The following FHIT variants were observed in gnomAD, a reference collection of about 807,000 sequenced individuals.
FHIT encodes fragile histidine triad diadenosine triphosphatase, also known as bis(5'-adenosyl)-triphosphatase.
In FHIT, 19 loss-of-function variants were observed where a neutral mutation model predicts 17.9. The ratio of observed to expected loss-of-function variants is 1.06; its 90% CI spans 0.74 to 1.56. FHIT has a LOEUF of 1.56. Among genes scored for constraint, FHIT ranks in the 40% most tolerant of loss-of-function variants. The pLI is 0.00. For synonymous variants in FHIT, 81 were observed against 69.7 expected (o/e 1.16, Z -0.81); for missense variants, 248 against 189.2 (o/e 1.31, Z -1.82).
rs78500645 is a variant in FHIT at position 60,392,738 on chromosome 3, C to A, written c.103+144122G>T. On this transcript the variant is annotated intron_variant, in intron 5 of 9. Transcript: ENST00000492590. ...GGAACCTGGTTTTACCCGCATGATC[C>A]TGAAGATAAAGCATAATTATAGCAG... Among the ~76,000 whole-genome samples, 262 of 152,262 alleles carry A rather than the reference C, an allele frequency of 1.7e-3. 1 individual carries two copies. Among genetic ancestry groups the A allele is most frequent in the African/African-American group, 6.1e-3 (253 of 41,554 alleles).
At chr3:61,033,456 T>G in intron 3 of FHIT, among the ~76,000 whole-genome samples, 1 of 152,192 alleles carries the variant, frequency 6.6e-6, no homozygotes, top group East Asian at 1.9e-4. Context: ...TTTTTTATAT[T>G]GATTACAGGG....
At chr3:60,651,396 T>A (rs932581758) in intron 4 of FHIT, among the ~76,000 whole-genome samples, 1 of 152,164 alleles carries the variant, frequency 6.6e-6, no homozygotes, top group Admixed American at 6.5e-5. Flanking sequence ...AAATTAAAAT[T>A]AAAATTTATT....
intron 3 of FHIT, among the ~76,000 whole-genome samples, chr3:60,895,665 C>CCTTCCTTTCTTT (rs1351920997): frequency 9.3e-5 from 10 of 107,018 alleles, no homozygotes; most frequent in East Asian, 3.2e-4. Context: ...TTCCTTCCTT[C>CCTTCCTTTCTTT]CTTTCTTTCT....
At chr3:60,420,663 C>T (rs375370594) in intron 5 of FHIT, among the ~76,000 whole-genome samples, 1 of 152,144 alleles carries the variant, frequency 6.6e-6, no homozygotes, top group Admixed American at 6.6e-5. Flanking sequence ...TTCTCTCTGG[C>T]AAACTGCTCA....
chr3:60,595,386 T>TA (rs542744531), intron 4 of FHIT, among the ~76,000 whole-genome samples: 82 of 151,188 alleles, frequency 5.4e-4, no homozygotes, highest in South Asian at 1.5e-3. Context: ...TTTTTTTTTT[T>TA]ATACTTGGCT....
chr3:60,270,786 A>C (rs371425321), intron 5 of FHIT, among the ~76,000 whole-genome samples: 3 of 152,194 alleles, frequency 2.0e-5, no homozygotes, highest in African/African-American at 7.2e-5. Flanking sequence ...TAATGGCAAA[A>C]AGAGAAAGAA....
chr3:60,696,611 C>A (rs2041118691), intron 4 of FHIT, among the ~76,000 whole-genome samples: 1 of 152,144 alleles, frequency 6.6e-6, no homozygotes, highest in African/African-American at 2.4e-5. Context: ...GACAGCAGAA[C>A]ACGGTGCCAT....
chr3:60,035,797 A>G (rs1199287711), intron 5 of FHIT, among the ~76,000 whole-genome samples: 3 of 152,152 alleles, frequency 2.0e-5, no homozygotes, highest in Non-Finnish European at 2.9e-5. Flanking sequence ...GTATTTCCTC[A>G]TATGCCTTAG....
intron 5 of FHIT, among the ~76,000 whole-genome samples, chr3:60,226,493 A>AAAAAAAAAAC (rs200934161): frequency 8.8e-5 from 13 of 147,146 alleles, no homozygotes; most frequent in African/African-American, 3.4e-4. Context: ...AAAAAAAAAA[A>AAAAAAAAAAC]ACACTGCCTG....
At chr3:60,396,081 G>A (rs922432210) in intron 5 of FHIT, among the ~76,000 whole-genome samples, 4 of 152,082 alleles carry the variant, frequency 2.6e-5, no homozygotes, top group Non-Finnish European at 5.9e-5. Context: ...TACCGCACTT[G>A]CTACCCAGAA....
chr3:59,858,008 G>A (rs934781812), intron 8 of FHIT, among the ~76,000 whole-genome samples: 3 of 152,090 alleles, frequency 2.0e-5, no homozygotes, highest in Non-Finnish European at 4.4e-5. Flanking sequence ...TTTATGGCCA[G>A]TTGGCTCAGC....
chr3:59,894,658 T>C (rs750793), intron 8 of FHIT, among the ~76,000 whole-genome samples: 36,867 of 152,120 alleles, frequency 0.24, 7,178 homozygotes, highest in African/African-American at 0.54. Flanking sequence ...GGTGGTTCTG[T>C]AGTATGTTTG....
intron 3 of FHIT, among the ~76,000 whole-genome samples, chr3:60,903,455 A>C (rs1268371452): frequency 2.0e-5 from 3 of 152,238 alleles, no homozygotes; most frequent in African/African-American, 7.2e-5. Context: ...AGGCCAAATA[A>C]AGACCTAAAT....
intron 8 of FHIT, among the ~76,000 whole-genome samples, chr3:59,846,221 A>G (rs79462083): frequency 0.013 from 2,051 of 152,098 alleles, 23 homozygotes; most frequent in South Asian, 0.022. Flanking sequence ...TGTTTTGATA[A>G]TGAAATGATT....
intron 4 of FHIT, among the ~76,000 whole-genome samples, chr3:60,634,838 G>C (rs2039539051): frequency 6.6e-6 from 1 of 152,194 alleles, no homozygotes; most frequent in Non-Finnish European, 1.5e-5. Flanking sequence ...GTTTTAACAT[G>C]ATTTCTTTTG....
At chr3:60,079,683 AGGAAATAAAT>A (rs1703192000) in intron 5 of FHIT, among the ~76,000 whole-genome samples, 1 of 152,118 alleles carries the variant, frequency 6.6e-6, no homozygotes, top group Non-Finnish European at 1.5e-5. Flanking sequence ...ATACGTGGGA[AGGAAATAAAT>A]GGTGAGCTCT....
intron 4 of FHIT, among the ~76,000 whole-genome samples, chr3:60,672,913 A>G (rs1435797899): frequency 4.2e-4 from 8 of 19,102 alleles, no homozygotes; most frequent in South Asian, 1.5e-3. Context: ...GTGTGCATGC[A>G]TGCTCTAGGA....
chr3:60,230,293 A>G (rs1187928811), intron 5 of FHIT, among the ~76,000 whole-genome samples: 2 of 152,200 alleles, frequency 1.3e-5, no homozygotes, highest in Non-Finnish European at 2.9e-5. Context: ...CATCATTCAC[A>G]GTCAAATAAT....
intron 4 of FHIT, among the ~76,000 whole-genome samples, chr3:60,679,334 G>C (rs2040694348): frequency 6.6e-6 from 1 of 152,158 alleles, no homozygotes; most frequent in African/African-American, 2.4e-5. Flanking sequence ...GATTGTAGAA[G>C]TCATGTCTGC....
Sources: gnomAD v4.1 joint callset for allele counts (sites outside exome capture counted in the v4.1 genomes callset) on GRCh38, gnomAD v4.1.1 for gene constraint, MANE v1.5 for transcripts, NCBI Gene and HGNC (gene_info 2026-07-23, HGNC 2026-07-21) for gene names.